The following GRID2 variants were observed in gnomAD, a reference collection of about 807,000 sequenced individuals.
GRID2 encodes the protein glutamate ionotropic receptor delta type subunit 2.
A neutral mutation model predicts 114.8 loss-of-function variants in GRID2; 33 were observed. That is an observed-to-expected ratio of 0.29 (90% confidence interval 0.22 to 0.38). The LOEUF (loss-of-function observed/expected upper bound fraction) is 0.38, where lower values mean the gene tolerates loss of function less well. Among genes scored for constraint, GRID2 ranks in the 10% least tolerant of loss-of-function variants. GRID2 has a pLI of 1.00. For synonymous variants in GRID2, 505 were observed against 449.9 expected (o/e 1.12, Z -1.55); for missense variants, 1,184 against 1,257.7 (o/e 0.94, Z 0.89).
chr4:93,582,187 T>C (rs1055265397), intron 13 of GRID2, among the ~76,000 whole-genome samples: 1 of 152,074 alleles, frequency 6.6e-6, no homozygotes, highest in African/African-American at 2.4e-5. Context: ...TCCCTTGTCT[T>C]TTTCAGCTCC....
Position 92,575,566 on chromosome 4 carries a change from G to C in GRID2, c.89-14565G>C, listed in dbSNP as rs544953378. Among the ~76,000 whole-genome samples, 7 of 152,252 alleles carry C rather than the reference G, an allele frequency of 4.6e-5. No individual in the cohort carries two copies. The East Asian group carries it at 1.2e-3, about 25-fold the overall frequency. On this transcript the variant is annotated intron_variant, in intron 1 of 15. Transcript: ENST00000282020. ...CCTTGCTGCAGTTTGATGGGGGTCAGCTATAGACCCTAGTCACCTCATTTT... is the reference window on the plus strand; with the variant it reads ...CCTTGCTGCAGTTTGATGGGGGTCACCTATAGACCCTAGTCACCTCATTTT...
intron 8 of GRID2, among the ~76,000 whole-genome samples, chr4:93,369,724 AG>A (rs1240582208): frequency 6.6e-6 from 1 of 152,220 alleles, no homozygotes; most frequent in East Asian, 1.9e-4. Context: ...CCTGAGATCT[AG>A]CAATCCTCCT....
intron 8 of GRID2, among the ~76,000 whole-genome samples, chr4:93,311,313 A>C (rs1028805837): frequency 6.6e-6 from 1 of 152,184 alleles, no homozygotes; most frequent in Non-Finnish European, 1.5e-5. Context: ...TGTAGGTTGC[A>C]GGTCTGCTTG....
chr4:93,432,206 T>G (rs1560613548), intron 10 of GRID2, among the ~76,000 whole-genome samples: 1 of 152,186 alleles, frequency 6.6e-6, no homozygotes, highest in African/African-American at 2.4e-5. Context: ...TGACACTTTT[T>G]TATTGCTGCT....
At chr4:93,525,847 T>A (rs1351802333) in intron 13 of GRID2, among the ~76,000 whole-genome samples, 1 of 152,140 alleles carries the variant, frequency 6.6e-6, no homozygotes, top group Non-Finnish European at 1.5e-5. Flanking sequence ...AGCTTTCTAG[T>A]TCCCCAGGAT....
At chr4:93,689,324 T>C (rs1726343210) in intron 14 of GRID2, among the ~76,000 whole-genome samples, 1 of 152,094 alleles carries the variant, frequency 6.6e-6, no homozygotes, top group Non-Finnish European at 1.5e-5. Context: ...ATTTCACTTC[T>C]TCCATGGGTG....
At chr4:92,649,272 A>T (rs780516666) in intron 2 of GRID2, among the ~76,000 whole-genome samples, 5 of 149,194 alleles carry the variant, frequency 3.4e-5, no homozygotes, top group Non-Finnish European at 7.4e-5. Context: ...CTATAAAACC[A>T]AGAAAGCTCA....
intron 1 of GRID2, among the ~76,000 whole-genome samples, chr4:92,484,614 G>A (rs1722776766): frequency 6.6e-6 from 1 of 151,872 alleles, no homozygotes; most frequent in African/African-American, 2.4e-5. Context: ...TATAATACTT[G>A]TTGAATAAAG....
intron 8 of GRID2, among the ~76,000 whole-genome samples, chr4:93,314,075 C>T (rs1235092026): frequency 5.3e-5 from 8 of 151,982 alleles, no homozygotes; most frequent in Admixed American, 1.3e-4. Context: ...GAGGCCAAGG[C>T]GGGCGGATCA....
chr4:92,768,241 A>G (rs1239541548), intron 2 of GRID2, among the ~76,000 whole-genome samples: 3 of 152,204 alleles, frequency 2.0e-5, no homozygotes, highest in Admixed American at 2.0e-4. Flanking sequence ...TGTTCCTGTT[A>G]CATATGAGTG....
intron 2 of GRID2, among the ~76,000 whole-genome samples, chr4:92,969,037 G>C (rs1753331979): frequency 6.6e-6 from 1 of 151,596 alleles, no homozygotes; most frequent in Non-Finnish European, 1.5e-5. Flanking sequence ...CTGAACTTGA[G>C]ATTATTCAAG....
At chr4:92,941,309 G>A (rs1317204265) in intron 2 of GRID2, among the ~76,000 whole-genome samples, 1 of 152,158 alleles carries the variant, frequency 6.6e-6, no homozygotes, top group Admixed American at 6.6e-5. Context: ...GGGTGTATGT[G>A]TCAAGGAATT....
intron 12 of GRID2, among the ~76,000 whole-genome samples, chr4:93,509,172 G>T (rs561589595): frequency 2.0e-5 from 3 of 152,304 alleles, no homozygotes; most frequent in Non-Finnish European, 1.5e-5. Context: ...CTGTGCTAAA[G>T]AATGGATTAG....
Position 92,813,962 on chromosome 4 carries a change from C to A in GRID2, c.244+223676C>A, listed in dbSNP as rs998039168. Among the ~76,000 whole-genome samples, 4 of 152,222 alleles carry A rather than the reference C, an allele frequency of 2.6e-5. No individual in the cohort carries two copies. In the South Asian group the frequency reaches 8.3e-4, roughly 32 times the overall value. The stretch of plus-strand genomic sequence containing the variant: ...AGTTCTCTGTTCCTACTCATTGATT[C>A]CCTAACAATGTAAGCAGAGTTCCTT... On this transcript the variant is annotated intron_variant, in intron 2 of 15. Transcript: ENST00000282020.
chr4:92,590,404 T>G, intron 2 of GRID2, 118 bp downstream of exon 2: 1 of 681,840 alleles, frequency 1.5e-6, no homozygotes, highest in Non-Finnish European at 2.5e-6. Context: ...TAATAGGGCA[T>G]TATTTTCCTT....
At chr4:92,360,005 C>T (rs1175479812) in intron 1 of GRID2, among the ~76,000 whole-genome samples, 1 of 151,858 alleles carries the variant, frequency 6.6e-6, no homozygotes, top group African/African-American at 2.4e-5. Context: ...TGTAAACTAC[C>T]TTTAATGGTT....
chr4:92,547,980 A>G (rs921979655), intron 1 of GRID2, among the ~76,000 whole-genome samples: 2 of 152,176 alleles, frequency 1.3e-5, no homozygotes, highest in Non-Finnish European at 2.9e-5. Flanking sequence ...AATTAAGTAG[A>G]AAAAGAACTT....
At chr4:93,597,758 C>G (rs2149632697) in intron 13 of GRID2, among the ~76,000 whole-genome samples, 1 of 152,300 alleles carries the variant, frequency 6.6e-6, no homozygotes, top group East Asian at 1.9e-4. Context: ...TCTTTTGAAT[C>G]CAAATATTTC....
chr4:92,373,271 G>A (rs75429318), intron 1 of GRID2, among the ~76,000 whole-genome samples: 8,090 of 152,216 alleles, frequency 0.053, 698 homozygotes, highest in African/African-American at 0.18. Context: ...GGTCATTTTC[G>A]TAGTTTGCAC....
Sources: gnomAD v4.1 joint callset for allele counts (sites outside exome capture counted in the v4.1 genomes callset) on GRCh38, gnomAD v4.1.1 for gene constraint, MANE v1.5 for transcripts, NCBI Gene and HGNC (gene_info 2026-07-23, HGNC 2026-07-21) for gene names.